Variants in LEKR1 observed in about 807,000 individuals in gnomAD.
LEKR1 encodes the protein protein LEKR1.
Under a neutral mutation model 72.4 loss-of-function variants are expected in LEKR1, and 59 were observed. That is an observed-to-expected ratio of 0.82 (90% CI 0.66 to 1.01). The LOEUF (loss-of-function observed/expected upper bound fraction) is 1.01. Ranked by LOEUF, LEKR1 falls within the 50% of genes least tolerant of loss-of-function variation. The pLI is 0.00. For missense variants in LEKR1, 728 were observed against 759.2 expected (o/e 0.96, Z 0.48); for synonymous variants, 257 against 263.2 (o/e 0.98, Z 0.23).
At chr3:156,886,646 T>G (rs908901137) in intron 3 of LEKR1, among the ~76,000 whole-genome samples, 5 of 152,110 alleles carry the variant, frequency 3.3e-5, no homozygotes, top group African/African-American at 1.2e-4. Context: ...ACTTCTACTT[T>G]TTTGTGGGAC....
At chr3:156,946,944 T>C (rs1424713041) in intron 6 of LEKR1, among the ~76,000 whole-genome samples, 1 of 151,406 alleles carries the variant, frequency 6.6e-6, no homozygotes, top group Non-Finnish European at 1.5e-5. Context: ...CCAGTGGGAA[T>C]TTCTGCAGTA....
At chr3:157,014,828 A>C (rs1197461286) in intron 10 of LEKR1, among the ~76,000 whole-genome samples, 1 of 152,168 alleles carries the variant, frequency 6.6e-6, no homozygotes, top group African/African-American at 2.4e-5. Context: ...TCCATTTTGC[A>C]CATTAATAAA....
intron 6 of LEKR1, among the ~76,000 whole-genome samples, chr3:156,954,181 A>T (rs1248241136): frequency 6.6e-6 from 1 of 151,620 alleles, no homozygotes; most frequent in Non-Finnish European, 1.5e-5. Flanking sequence ...GTGTCTGTTC[A>T]TGTTCTTTGC....
chr3:156,974,546 G>A (rs1174813642), intron 6 of LEKR1, among the ~76,000 whole-genome samples: 2 of 152,048 alleles, frequency 1.3e-5, no homozygotes, highest in Non-Finnish European at 2.9e-5. Flanking sequence ...CAAATGGGGT[G>A]TCTTTAATTG....
At chr3:157,005,877 G>A (rs1176525144) in intron 9 of LEKR1, among the ~76,000 whole-genome samples, 1 of 151,790 alleles carries the variant, frequency 6.6e-6, no homozygotes. Flanking sequence ...ATGAACAAAA[G>A]ACTTGAATAG....
intron 3 of LEKR1, among the ~76,000 whole-genome samples, chr3:156,907,929 G>C (rs1440481205): frequency 6.6e-6 from 1 of 151,894 alleles, no homozygotes; most frequent in Admixed American, 6.6e-5. Flanking sequence ...ACCTGTGACA[G>C]TTCCTCAGTC....
intron 12 of LEKR1, among the ~76,000 whole-genome samples, chr3:157,038,557 C>G (rs1276416362): frequency 6.6e-6 from 1 of 152,072 alleles, no homozygotes; most frequent in Non-Finnish European, 1.5e-5. Context: ...AGAACAGGCA[C>G]TCTTAACTTT....
chr3:156,886,321 C>T (rs1720072782), intron 3 of LEKR1, among the ~76,000 whole-genome samples: 1 of 152,114 alleles, frequency 6.6e-6, no homozygotes, highest in Admixed American at 6.5e-5. Context: ...AGACTTTACC[C>T]CAGGCCGTGA....
At chr3:156,894,113 T>G (rs1203453892) in intron 3 of LEKR1, among the ~76,000 whole-genome samples, 1 of 152,198 alleles carries the variant, frequency 6.6e-6, no homozygotes, top group Non-Finnish European at 1.5e-5. Flanking sequence ...TGGAGCAGAC[T>G]TCATCTTGGT....
intron 5 of LEKR1, among the ~76,000 whole-genome samples, chr3:156,942,281 T>C (rs970466530): frequency 6.6e-6 from 1 of 151,814 alleles, no homozygotes; most frequent in Non-Finnish European, 1.5e-5. Flanking sequence ...TACCACTTAA[T>C]ACAATTTAAA....
intron 3 of LEKR1, among the ~76,000 whole-genome samples, chr3:156,895,486 C>G (rs1721081780): frequency 6.6e-6 from 1 of 151,990 alleles, no homozygotes; most frequent in Non-Finnish European, 1.5e-5. Flanking sequence ...TGGCTCATGC[C>G]TATAGTCCCA....
At chr3:157,032,051 T>C (rs1460179060) in intron 12 of LEKR1, among the ~76,000 whole-genome samples, 1 of 150,530 alleles carries the variant, frequency 6.6e-6, no homozygotes, top group East Asian at 1.9e-4. Flanking sequence ...CATTAAAAGA[T>C]TGGAAAGGAG....
chr3:156,887,883 A>G lies in LEKR1; in HGVS notation c.264-32692A>G, dbSNP rs1720266543. Among the ~76,000 whole-genome samples, 3 of 152,152 alleles carry G rather than the reference A, an allele frequency of 2.0e-5. No homozygotes were observed. In the South Asian group the frequency reaches 6.2e-4, roughly 32 times the overall value. The stretch of plus-strand genomic sequence containing the variant: ...TATATCTTGAGAAATATATTTGAAT[A>G]TTCACCTCTCTATATATCATTTGAA... On this transcript the variant is annotated intron_variant, in intron 3 of 12. Transcript: ENST00000356539.
At chr3:156,866,009 G>T (rs981744615) in intron 3 of LEKR1, among the ~76,000 whole-genome samples, 1 of 151,944 alleles carries the variant, frequency 6.6e-6, no homozygotes, top group Non-Finnish European at 1.5e-5. Context: ...TTTAATGTTT[G>T]CATTCCTGGC....
At chr3:156,991,415 A>T (rs1731137035) in intron 7 of LEKR1, among the ~76,000 whole-genome samples, 1 of 152,060 alleles carries the variant, frequency 6.6e-6, no homozygotes, top group South Asian at 2.1e-4. Context: ...TATGTTCATG[A>T]TGGTTTTTAC....
At chr3:157,007,993 G>A (rs1732597936) in intron 9 of LEKR1, among the ~76,000 whole-genome samples, 1 of 152,182 alleles carries the variant, frequency 6.6e-6, no homozygotes, top group Non-Finnish European at 1.5e-5. Context: ...AAAGGAGACA[G>A]GAATGGCCAG....
chr3:156,828,687 G>T (rs114912151), intron 1 of LEKR1, among the ~76,000 whole-genome samples: 2,523 of 151,956 alleles, frequency 0.017, 71 homozygotes, highest in African/African-American at 0.057. Flanking sequence ...ATTAGAAAAA[G>T]AAAATCTGTT....
intron 4 of LEKR1, among the ~76,000 whole-genome samples, chr3:156,923,393 A>G (rs149263018): frequency 1.3e-5 from 2 of 152,290 alleles, no homozygotes; most frequent in East Asian, 3.9e-4. Flanking sequence ...ATAGATTTAT[A>G]CTTTTCTCGA....
At chr3:156,969,370 C>A (rs368982467) in intron 6 of LEKR1, among the ~76,000 whole-genome samples, 2 of 151,756 alleles carry the variant, frequency 1.3e-5, no homozygotes, top group East Asian at 1.9e-4. Flanking sequence ...TTGATAGACC[C>A]CTAGCAAGAC....
Sources: allele counts gnomAD v4.1 joint callset (sites outside exome capture counted in the v4.1 genomes callset), GRCh38; gene constraint gnomAD v4.1.1; transcripts MANE v1.5; gene names NCBI Gene and HGNC (gene_info 2026-07-23, HGNC 2026-07-21).